The following SLC16A7 variants were observed in gnomAD, a reference collection of about 807,000 sequenced individuals.
SLC16A7 encodes solute carrier family 16 member 7, also known as monocarboxylate transporter 2.
A neutral mutation model predicts 34.9 loss-of-function variants in SLC16A7; 33 were observed. That is an observed-to-expected ratio of 0.94 (90% CI 0.72 to 1.26). The LOEUF is 1.26. Among genes scored for constraint, SLC16A7 ranks in the 50% most tolerant of loss-of-function variants. SLC16A7 has a pLI of 0.00. For synonymous variants in SLC16A7, 201 were observed against 206.6 expected (o/e 0.97, Z 0.23); for missense variants, 573 against 578.1 (o/e 0.99, Z 0.09).
chr12:59,598,839 A>G (rs1282598299), intron 1 of SLC16A7, among the ~76,000 whole-genome samples: 1 of 152,248 alleles, frequency 6.6e-6, no homozygotes, highest in African/African-American at 2.4e-5. Flanking sequence ...AAGTAACTGT[A>G]GTATATAATA....
At chr12:59,618,206 A>G (rs566389052) in intron 1 of SLC16A7, among the ~76,000 whole-genome samples, 47 of 152,056 alleles carry the variant, frequency 3.1e-4, no homozygotes, top group African/African-American at 1.1e-3. Flanking sequence ...TTATATGCTT[A>G]TCAGCTACAC....
chr12:59,623,046 C>CTGTG (rs57399813), intron 1 of SLC16A7, among the ~76,000 whole-genome samples: 1,914 of 134,956 alleles, frequency 0.014, 29 homozygotes, highest in Non-Finnish European at 0.017. Context: ...CTACTGAATG[C>CTGTG]TGTGTGTGTG....
chr12:59,596,792 A>G lies in SLC16A7; in HGVS notation c.-130+556A>G, dbSNP rs1878425734. Among the ~76,000 whole-genome samples, 3 of 152,080 alleles carry G rather than the reference A, an allele frequency of 2.0e-5. No individual in the cohort carries two copies. Among genetic ancestry groups the G allele is most frequent in the African/African-American group, 7.2e-5 (3 of 41,412 alleles). ...ATGATCAGGACAGGAAGAGGCTGTG[A>G]GGGGAAGACGAAATACCGGGGGATG... On this transcript the variant is annotated intron_variant, in intron 1 of 5. Coordinates refer to ENST00000547379, the MANE Select transcript of SLC16A7 (RefSeq NM_001270623.2). The surrounding 1 kb of genome is among the most constrained non-coding windows in gnomAD (Gnocchi z 5.0).
intron 3 of SLC16A7, among the ~76,000 whole-genome samples, chr12:59,755,303 G>A (rs1255689271): frequency 6.6e-6 from 1 of 152,142 alleles, no homozygotes; most frequent in African/African-American, 2.4e-5. Flanking sequence ...TAGGAAAAGA[G>A]GAAGTTAAAT....
intron 3 of SLC16A7, among the ~76,000 whole-genome samples, chr12:59,760,048 A>G (rs1232396043): frequency 6.6e-6 from 1 of 152,172 alleles, no homozygotes; most frequent in East Asian, 1.9e-4. Context: ...AAAATCTATC[A>G]TAGATCTTAG....
At chr12:59,601,795 G>A (rs1025065141) in intron 1 of SLC16A7, among the ~76,000 whole-genome samples, 2 of 152,208 alleles carry the variant, frequency 1.3e-5, no homozygotes, top group African/African-American at 4.8e-5. Context: ...CACATGGTGG[G>A]ATGAGAGTGA....
intron 3 of SLC16A7, among the ~76,000 whole-genome samples, chr12:59,737,905 A>C (rs1482317081): frequency 6.6e-6 from 1 of 152,228 alleles, no homozygotes; most frequent in Non-Finnish European, 1.5e-5. Context: ...TCACTGGTCT[A>C]AACTAGAGTA....
intron 3 of SLC16A7, 136 bp downstream of exon 3, chr12:59,705,154 A>C (rs761057680): frequency 9.8e-6 from 6 of 609,448 alleles, no homozygotes; most frequent in African/African-American, 1.8e-5. Flanking sequence ...CAAAAGTATA[A>C]TTAGAACTGA....
intron 1 of SLC16A7, among the ~76,000 whole-genome samples, chr12:59,639,460 C>A (rs991047254): frequency 1.3e-5 from 2 of 152,144 alleles, no homozygotes; most frequent in Non-Finnish European, 2.9e-5. Context: ...TCAAAGCTCA[C>A]TGCAGCCCCT....
At chr12:59,650,041 A>G (rs970112160) in intron 1 of SLC16A7, among the ~76,000 whole-genome samples, 1 of 152,096 alleles carries the variant, frequency 6.6e-6, no homozygotes, top group Non-Finnish European at 1.5e-5. Flanking sequence ...ATTGCATTGT[A>G]TTAATTTAAT....
At chr12:59,653,550 G>A (rs73109989) in intron 1 of SLC16A7, among the ~76,000 whole-genome samples, 7,738 of 151,498 alleles carry the variant, frequency 0.051, 273 homozygotes, top group Non-Finnish European at 0.076. Flanking sequence ...AGTTATTGTG[G>A]TATAATAATA....
chr12:59,763,548 T>TA (rs1324966051), intron 3 of SLC16A7, among the ~76,000 whole-genome samples: 1 of 152,092 alleles, frequency 6.6e-6, no homozygotes, highest in Non-Finnish European at 1.5e-5. Context: ...TACCAAAACT[T>TA]AAAAAATGAA....
intron 2 of SLC16A7, among the ~76,000 whole-genome samples, chr12:59,696,883 A>T (rs1469503767): frequency 6.6e-6 from 1 of 151,980 alleles, no homozygotes; most frequent in African/African-American, 2.4e-5. Flanking sequence ...GCACCCTGGA[A>T]CCCATAGTTA....
chr12:59,664,354 A>G (rs1869024347), intron 2 of SLC16A7, among the ~76,000 whole-genome samples: 1 of 151,876 alleles, frequency 6.6e-6, no homozygotes, highest in African/African-American at 2.4e-5. Context: ...AGGGTTGGGG[A>G]CTCTTTGGGA....
intron 1 of SLC16A7, among the ~76,000 whole-genome samples, chr12:59,620,508 C>T (rs1879651829): frequency 6.6e-6 from 1 of 151,936 alleles, no homozygotes; most frequent in Non-Finnish European, 1.5e-5. Flanking sequence ...TTTATTTTTG[C>T]ATTTCTGTCA....
chr12:59,647,485 A>G (rs543067185), intron 1 of SLC16A7, among the ~76,000 whole-genome samples: 5 of 152,288 alleles, frequency 3.3e-5, no homozygotes, highest in Admixed American at 2.0e-4. Flanking sequence ...TGGAACTGTG[A>G]GTCAATTAAA....
chr12:59,760,717 G>A (rs1446120588), intron 3 of SLC16A7, among the ~76,000 whole-genome samples: 1 of 151,898 alleles, frequency 6.6e-6, no homozygotes, highest in Admixed American at 6.6e-5. Flanking sequence ...CAGGGCAAAG[G>A]AAGGATTCAC....
intron 1 of SLC16A7, among the ~76,000 whole-genome samples, chr12:59,643,393 G>A (rs1219386954): frequency 6.6e-6 from 1 of 152,064 alleles, no homozygotes; most frequent in Non-Finnish European, 1.5e-5. Flanking sequence ...TATAAATCTA[G>A]TTGTCTCTTA....
chr12:59,735,624 G>A (rs2711667), intron 3 of SLC16A7, among the ~76,000 whole-genome samples: 18,644 of 152,080 alleles, frequency 0.12, 1,496 homozygotes, highest in African/African-American at 0.22. Context: ...TACCAGTTCT[G>A]TGTAACAATA....
Sources: gnomAD v4.1 joint callset for allele counts (sites outside exome capture counted in the v4.1 genomes callset) on GRCh38, gnomAD v4.1.1 for gene constraint, Gnocchi (gnomAD v3.1) non-coding constraint, MANE v1.5 for transcripts, NCBI Gene and HGNC (gene_info 2026-07-23, HGNC 2026-07-21) for gene names.